COBL: variants seen among roughly 807,000 people sequenced by gnomAD.
COBL encodes cordon-bleu WH2 repeat protein, also known as protein cordon-bleu.
Under a neutral mutation model 98.8 loss-of-function variants are expected in COBL, and 51 were observed. That is an observed-to-expected ratio of 0.52 (90% CI 0.41 to 0.65). The LOEUF (loss-of-function observed/expected upper bound fraction) is 0.65, where lower values mean the gene tolerates loss of function less well. COBL is among the 30% of genes least tolerant of loss of function. The pLI is 0.00. For missense variants in COBL, 1,617 were observed against 1,617.5 expected (o/e 1.00, Z 0.01); for synonymous variants, 634 against 651.7 (o/e 0.97, Z 0.41).
At chr7:51,205,464 G>T (rs1440612234) in intron 2 of COBL, among the ~76,000 whole-genome samples, 2 of 151,490 alleles carry the variant, frequency 1.3e-5, no homozygotes, top group Non-Finnish European at 2.9e-5. Context: ...ATATCCATAT[G>T]CAGAAAAATG....
At chr7:51,210,228 C>T (rs1267704960) in intron 2 of COBL, among the ~76,000 whole-genome samples, 3 of 152,132 alleles carry the variant, frequency 2.0e-5, no homozygotes, top group Non-Finnish European at 4.4e-5. Context: ...ATATCTTCAG[C>T]AGTCGAGGGT....
chr7:51,159,098 G>T (rs575932634), intron 5 of COBL, among the ~76,000 whole-genome samples: 290 of 152,244 alleles, frequency 1.9e-3, no homozygotes, highest in Non-Finnish European at 3.6e-3. Context: ...GGAGGGCAGC[G>T]GGGGCGGCGT....
chr7:51,149,389 AC>A (rs889678584), intron 5 of COBL, among the ~76,000 whole-genome samples: 1 of 152,030 alleles, frequency 6.6e-6, no homozygotes, highest in African/African-American at 2.4e-5. Flanking sequence ...GTGTTCCTGA[AC>A]CTATCTTCAC....
At chr7:51,091,647 G>A (rs1794820614) in intron 6 of COBL, among the ~76,000 whole-genome samples, 1 of 152,104 alleles carries the variant, frequency 6.6e-6, no homozygotes, top group Non-Finnish European at 1.5e-5. Flanking sequence ...TTGGAGGAAG[G>A]AAATAGACAT....
chr7:51,209,390 G>A (rs1300823009), intron 2 of COBL, among the ~76,000 whole-genome samples: 2 of 152,182 alleles, frequency 1.3e-5, no homozygotes, highest in Non-Finnish European at 2.9e-5. Context: ...GGGTGCTGGT[G>A]GCAGTGGGAG....
rs562382742 is a variant in COBL at position 51,135,103 on chromosome 7, T to C, written c.957+1055A>G. On this transcript the variant is annotated intron_variant, in intron 6 of 12. Transcript: ENST00000265136. ...TCAGCCTTCTGAGTAGCTGGGACAA[T>C]AGGCGTGCACCACCATGCCTGGCTA... Among the ~76,000 whole-genome samples, 5 of 151,990 alleles carry C rather than the reference T, an allele frequency of 3.3e-5. No homozygotes were observed. In the East Asian group the frequency reaches 9.7e-4, roughly 30 times the overall value.
Position 51,017,543 on chromosome 7 carries a change from C to G in COBL, c.*8G>C. On this transcript the variant is annotated 3_prime_UTR_variant, in exon 13 of 13. Transcript: ENST00000265136. ...GTGGGTTTCTGCAATTCTCTGGCCT[C>G]TGTTCATTCACACGAGCAAGGGCAC... The G allele has an allele frequency of 6.2e-7, 1 of 1,614,046 alleles. No homozygotes were observed. Among genetic ancestry groups the G allele is most frequent in the South Asian group, 1.1e-5 (1 of 91,076 alleles).
At chr7:51,262,555 G>T (rs1797814114) in intron 1 of COBL, among the ~76,000 whole-genome samples, 1 of 152,188 alleles carries the variant, frequency 6.6e-6, no homozygotes, top group Admixed American at 6.5e-5. Context: ...GCACAGGAAG[G>T]ATGCACTGGG....
intron 2 of COBL, among the ~76,000 whole-genome samples, chr7:51,195,944 T>A (rs939421652): frequency 6.6e-6 from 1 of 152,088 alleles, no homozygotes; most frequent in African/African-American, 2.4e-5. Context: ...CATCTGCAAA[T>A]GGAGATAGTT....
rs574610950 is a variant in COBL at position 51,143,886 on chromosome 7, T to C, written c.784-7555A>G. On this transcript the variant is annotated intron_variant, in intron 5 of 12. Transcript: ENST00000265136. ...CTCTTCTGGGGGAGCAGACTAATTC[T>C]CTGATGCACTGTTTATAATGTTGCC... Among the ~76,000 whole-genome samples, 13 of 152,354 alleles carry C rather than the reference T, an allele frequency of 8.5e-5. No homozygotes were observed. The South Asian group carries it at 2.7e-3, about 32-fold the overall frequency.
chr7:51,172,170 CCTT>C lies in COBL; in HGVS notation c.783+11929_783+11931del, dbSNP rs1180175089. 2.0e-5 allele frequency among the ~76,000 whole-genome samples: 3 copies of C among 152,332 alleles called. No individual in the cohort carries two copies. The South Asian group carries it at 6.2e-4, about 32-fold the overall frequency. On this transcript the variant is annotated intron_variant, in intron 5 of 12. Coordinates refer to ENST00000265136, the MANE Select transcript of COBL (RefSeq NM_015198.5). ...GTAGCTCCAAAACCACCAGGCTACT[CCTT>C]ATGATGGTAGTTTCGGGAAGCATGA...
chr7:51,155,923 C>G (rs1786082443), intron 5 of COBL, among the ~76,000 whole-genome samples: 1 of 152,158 alleles, frequency 6.6e-6, no homozygotes. Context: ...TGCCAATCTC[C>G]ATGCAACCAA....
At chr7:51,297,011 G>T (rs375650767) in intron 1 of COBL, among the ~76,000 whole-genome samples, 1 of 152,132 alleles carries the variant, frequency 6.6e-6, no homozygotes, top group Non-Finnish European at 1.5e-5. Flanking sequence ...AAGGCTGGAC[G>T]TCTGAATCAC....
chr7:51,251,506 G>T (rs931601426), intron 1 of COBL, among the ~76,000 whole-genome samples: 3 of 151,242 alleles, frequency 2.0e-5, no homozygotes, highest in African/African-American at 7.4e-5. Flanking sequence ...GCTGCTCCTA[G>T]CTTACAAAAG....
rs1483156476 is a variant in COBL, at chr7:51,017,470, T to C, written c.*81A>G. On this transcript the variant is annotated 3_prime_UTR_variant, in exon 13 of 13. Coordinates refer to ENST00000265136, the MANE Select transcript of COBL (RefSeq NM_015198.5). ...AAGAAAGTAACACCAAAACTTGATG[T>C]TCCTGGCTATGCAGACTCCTTGAGT... The C allele has an allele frequency of 1.4e-6, 2 of 1,441,822 alleles. No homozygotes were observed. The highest frequency in any genetic ancestry group is 2.0e-6 in the Non-Finnish European group (2 of 1,023,784). 89.3% of individuals were successfully genotyped at this position (1,441,822 alleles called of 1,614,324 possible). A position where few individuals can be genotyped will look rare whatever the true frequency, so the allele number is the denominator to read the frequency against.
intron 5 of COBL, among the ~76,000 whole-genome samples, chr7:51,154,205 T>C (rs971112337): frequency 6.6e-6 from 1 of 152,174 alleles, no homozygotes; most frequent in Non-Finnish European, 1.5e-5. Context: ...CAGAGTTCCA[T>C]GCATATTCTC....
chr7:51,160,520 A>T (rs1442310834), intron 5 of COBL, among the ~76,000 whole-genome samples: 1 of 152,224 alleles, frequency 6.6e-6, no homozygotes, highest in African/African-American at 2.4e-5. Context: ...ACCAGAATAA[A>T]AGAAGCAATG....
Position 51,173,182 on chromosome 7 carries a change from G to C in COBL, c.783+10920C>G, listed in dbSNP as rs535396645. 3.4e-5 allele frequency among the ~76,000 whole-genome samples: 5 copies of C among 145,676 alleles called. No homozygotes were observed. In the South Asian group the frequency reaches 1.4e-3, roughly 41 times the overall value. On this transcript the variant is annotated intron_variant, in intron 5 of 12. Coordinates refer to ENST00000265136, the MANE Select transcript of COBL (RefSeq NM_015198.5). ...GGTTTTGAGGACTTCAAAGTTTTTTGTTTTTTGTTTTTTGTTTTGAGCAGA... is the reference window on the plus strand; with the variant it reads ...GGTTTTGAGGACTTCAAAGTTTTTTCTTTTTTGTTTTTTGTTTTGAGCAGA...
intron 2 of COBL, among the ~76,000 whole-genome samples, chr7:51,199,096 C>A (rs1281009549): frequency 6.6e-6 from 1 of 152,208 alleles, no homozygotes; most frequent in African/African-American, 2.4e-5. Context: ...CCCCCAATAA[C>A]ATGCTCGCTG....
Sources: allele counts gnomAD v4.1 joint callset (sites outside exome capture counted in the v4.1 genomes callset), GRCh38; gene constraint gnomAD v4.1.1; transcripts MANE v1.5; gene names NCBI Gene and HGNC (gene_info 2026-07-23, HGNC 2026-07-21).